The following HS6ST3 variants were observed in gnomAD, a reference collection of about 807,000 sequenced individuals.
HS6ST3 encodes heparan sulfate 6-O-sulfotransferase 3, also known as heparan-sulfate 6-O-sulfotransferase 3.
In HS6ST3, 12 loss-of-function variants were observed where a neutral mutation model predicts 36.7. That is an observed-to-expected ratio of 0.33 (90% CI 0.21 to 0.53). HS6ST3 has a LOEUF of 0.53. Among genes scored for constraint, HS6ST3 ranks in the 20% least tolerant of loss-of-function variants. The pLI is 0.95. For missense variants in HS6ST3, 584 were observed against 640.9 expected (o/e 0.91, Z 0.96); for synonymous variants, 240 against 257.5 (o/e 0.93, Z 0.65).
At chr13:96,792,496 A>G (rs912471164) in intron 1 of HS6ST3, among the ~76,000 whole-genome samples, 1 of 151,696 alleles carries the variant, frequency 6.6e-6, no homozygotes, top group African/African-American at 2.4e-5. Flanking sequence ...CTGGCCATCT[A>G]TTGCTTATAA....
chr13:96,333,599 G>A (rs554475877), intron 1 of HS6ST3, among the ~76,000 whole-genome samples: 2 of 152,268 alleles, frequency 1.3e-5, no homozygotes, highest in East Asian at 3.9e-4. Flanking sequence ...ATAGTTCTGG[G>A]ATATGCAGGA....
intron 1 of HS6ST3, among the ~76,000 whole-genome samples, chr13:96,572,318 A>G (rs1438818092): frequency 6.6e-6 from 1 of 152,164 alleles, no homozygotes; most frequent in Admixed American, 6.6e-5. Flanking sequence ...CTGATCATTT[A>G]AGTAGAACTA....
intron 1 of HS6ST3, among the ~76,000 whole-genome samples, chr13:96,490,907 T>G (rs1225201635): frequency 6.6e-6 from 1 of 152,248 alleles, no homozygotes; most frequent in Non-Finnish European, 1.5e-5. Flanking sequence ...GAGTCACATC[T>G]GGATGGCTTG....
intron 1 of HS6ST3, among the ~76,000 whole-genome samples, chr13:96,630,544 TCC>T (rs2056528524): frequency 6.6e-6 from 1 of 152,172 alleles, no homozygotes; most frequent in Non-Finnish European, 1.5e-5. Flanking sequence ...CATTTACTCT[TCC>T]ACTTTGGGGT....
chr13:96,156,086 T>C (rs1055428993), intron 1 of HS6ST3, among the ~76,000 whole-genome samples: 2 of 152,200 alleles, frequency 1.3e-5, no homozygotes, highest in African/African-American at 4.8e-5. Flanking sequence ...CTAATATCTA[T>C]TGAGTTTTAC....
At chr13:96,680,318 G>A (rs961125606) in intron 1 of HS6ST3, among the ~76,000 whole-genome samples, 39 of 152,068 alleles carry the variant, frequency 2.6e-4, no homozygotes, top group African/African-American at 9.2e-4. Flanking sequence ...ATGTTGTAGT[G>A]CAGCCCAGTC....
intron 1 of HS6ST3, among the ~76,000 whole-genome samples, chr13:96,282,057 C>A (rs556231176): frequency 6.6e-6 from 1 of 152,304 alleles, no homozygotes; most frequent in African/African-American, 2.4e-5. Flanking sequence ...GTATTTTAAT[C>A]TTCTGATTCT....
intron 1 of HS6ST3, among the ~76,000 whole-genome samples, chr13:96,312,883 C>T (rs113880684): frequency 0.016 from 2,064 of 130,884 alleles, 43 homozygotes; most frequent in African/African-American, 0.054. Context: ...ACTTGGGGGG[C>T]GGAGGTTGCA....
chr13:96,387,402 T>A (rs2055373652), intron 1 of HS6ST3, among the ~76,000 whole-genome samples: 1 of 152,220 alleles, frequency 6.6e-6, no homozygotes, highest in Non-Finnish European at 1.5e-5. Context: ...TTTCTCTATA[T>A]ACTGGATTAG....
chr13:96,221,337 C>G (rs2054454362), intron 1 of HS6ST3, among the ~76,000 whole-genome samples: 1 of 152,164 alleles, frequency 6.6e-6, no homozygotes, highest in East Asian at 1.9e-4. Flanking sequence ...GATCCCTACC[C>G]TTCTGTCATT....
At chr13:96,210,484 G>A (rs1429139119) in intron 1 of HS6ST3, among the ~76,000 whole-genome samples, 1 of 152,110 alleles carries the variant, frequency 6.6e-6, no homozygotes, top group Non-Finnish European at 1.5e-5. Flanking sequence ...AGCCTTAGTA[G>A]AATTAAAGGA....
At chr13:96,157,890 G>T (rs1325536326) in intron 1 of HS6ST3, among the ~76,000 whole-genome samples, 1 of 152,176 alleles carries the variant, frequency 6.6e-6, no homozygotes, top group African/African-American at 2.4e-5. Context: ...TGTGAGCTAG[G>T]ACACAGGGAG....
At chr13:96,407,317 T>C (rs1434126233) in intron 1 of HS6ST3, among the ~76,000 whole-genome samples, 1 of 152,198 alleles carries the variant, frequency 6.6e-6, no homozygotes, top group Non-Finnish European at 1.5e-5. Context: ...GTACGTGGTA[T>C]TGGTTAAGAC....
intron 1 of HS6ST3, among the ~76,000 whole-genome samples, chr13:96,593,185 T>TC (rs2056389502): frequency 3.0e-5 from 3 of 99,750 alleles, no homozygotes; most frequent in South Asian, 4.2e-4. Flanking sequence ...TTTTTTTTTT[T>TC]TTTTTTTTTT....
chr13:96,144,595 G>T (rs542120404), intron 1 of HS6ST3, among the ~76,000 whole-genome samples: 2 of 151,830 alleles, frequency 1.3e-5, no homozygotes, highest in African/African-American at 4.8e-5. Context: ...GACTAGATGT[G>T]ATCTTGAAGT....
chr13:96,511,223 G>A (rs1018715096), intron 1 of HS6ST3, among the ~76,000 whole-genome samples: 1 of 152,062 alleles, frequency 6.6e-6, no homozygotes, highest in East Asian at 1.9e-4. Flanking sequence ...AGATGGACAC[G>A]CTTTACATAT....
chr13:96,271,157 A>ATGGTGATTT (rs2054717829), intron 1 of HS6ST3, among the ~76,000 whole-genome samples: 1 of 151,728 alleles, frequency 6.6e-6, no homozygotes, highest in African/African-American at 2.4e-5. Flanking sequence ...TACTCCCAGC[A>ATGGTGATTT]TGGTGATTTC....
chr13:96,097,144 G>C (rs2053795260), intron 1 of HS6ST3, among the ~76,000 whole-genome samples: 1 of 152,180 alleles, frequency 6.6e-6, no homozygotes, highest in Admixed American at 6.6e-5. Context: ...AATGGTAATA[G>C]ATGATTTATG....
At chr13:96,696,552 G>A (rs1279345049) in intron 1 of HS6ST3, among the ~76,000 whole-genome samples, 1 of 152,178 alleles carries the variant, frequency 6.6e-6, no homozygotes, top group East Asian at 1.9e-4. Context: ...CAGAGGAAGG[G>A]GCTGACCGGC....
Sources: allele counts gnomAD v4.1 joint callset (sites outside exome capture counted in the v4.1 genomes callset), GRCh38; gene constraint gnomAD v4.1.1; transcripts MANE v1.5; gene names NCBI Gene and HGNC (gene_info 2026-07-23, HGNC 2026-07-21).